Variants in OPN4 observed in about 807,000 individuals in gnomAD.
OPN4 encodes the protein opsin 4, also known as melanopsin.
OPN4 carries 43 observed loss-of-function variants against 49.5 expected under a neutral mutation model. That is an observed-to-expected ratio of 0.87 (90% CI 0.68 to 1.12). The LOEUF (loss-of-function observed/expected upper bound fraction) is 1.12. Ranked by LOEUF, OPN4 falls within the 50% of genes most tolerant of loss-of-function variation. The pLI is 0.00. For synonymous variants in OPN4, 263 were observed against 258.0 expected, an observed-to-expected ratio of 1.02 and a Z score of -0.19; for missense variants, 657 against 643.9, an observed-to-expected ratio of 1.02 and a Z score of -0.22.
rs1356249896 is a variant in OPN4, at chr10:86,666,021, C to T, written c.*270C>T. The T allele has an allele frequency of 2.2e-5, 11 of 508,954 alleles. No homozygotes were observed. Among genetic ancestry groups the T allele is most frequent in the Admixed American group, 3.8e-5 (1 of 26,270 alleles). The allele number at this position is 508,954 out of a possible 1,614,324, so 31.5% of individuals were successfully genotyped here. A position where few individuals can be genotyped will look rare whatever the true frequency, so the allele number is the denominator to read the frequency against. ...TATGTGCCCAGGCCCTCCCACTTCC[C>T]GAGTTGTCTGCCTCTCCTCAAATGC... is the stretch of plus-strand genomic sequence containing the variant. On this transcript the variant is annotated 3_prime_UTR_variant, in exon 10 of 10. Coordinates refer to ENST00000241891, the MANE Select transcript of OPN4 (RefSeq NM_033282.4).
Position 86,658,536 on chromosome 10 carries a change from C to T in OPN4, c.477C>T (p.Ile159=). Reference sequence around the variant, plus strand: ...CTCTCTTTGGCATTTCCTCCATGATCACCCTGACGGCCATCGCCCTGGACC... The same window carrying T: ...CTCTCTTTGGCATTTCCTCCATGATTACCCTGACGGCCATCGCCCTGGACC... ...CGALFGISSM[I]TLTAIALDRY... is the part of the protein sequence containing the mutation. Residue 159 remains isoleucine, a synonymous_variant, in exon 4 of 10, where the codon ATC becomes ATT. Coordinates refer to ENST00000241891, the MANE Select transcript of OPN4 (RefSeq NM_033282.4). The T allele has an allele frequency of 6.2e-7, 1 of 1,614,226 alleles. No homozygotes were observed.
intron 1 of OPN4, among the ~76,000 whole-genome samples, chr10:86,655,345 G>C (rs1323518384): frequency 6.6e-6 from 1 of 152,084 alleles, no homozygotes; most frequent in Non-Finnish European, 1.5e-5. Flanking sequence ...CCAGGCCCAG[G>C]GCCATATTCC....
At position 86,663,796 on chromosome 10, in the gene OPN4, AG is replaced by A; in HGVS notation, c.1395del (p.Lys466ArgfsTer5). 6.4e-7 allele frequency: 1 copy of A among 1,552,252 alleles called. No individual in the cohort carries two copies. Among genetic ancestry groups the A allele is most frequent in the Non-Finnish European group, 8.7e-7 (1 of 1,147,954 alleles). The part of the protein sequence containing the change: ...RPQGHEAETP[G>X]KTKGLIPSQD... The stretch of plus-strand genomic sequence containing the variant: ...CCCAGGGACACGAAGCAGAGACTCC[AG>A]GGAAGGTGACTGGGCCCGGTACCTG... On this transcript the variant is annotated frameshift_variant, in exon 9 of 10. Coordinates refer to ENST00000241891, the MANE Select transcript of OPN4 (RefSeq NM_033282.4). LOFTEE classifies it high-confidence loss of function.
rs1489639767 is a variant in OPN4 at position 86,665,762 on chromosome 10, G to C, written c.*11G>C. ...GACCCCAGGATGTAGGACGCCCACTGGCTCTCCCTTTCTTCTGAGACACAT... is the reference window on the plus strand; with the variant it reads ...GACCCCAGGATGTAGGACGCCCACTCGCTCTCCCTTTCTTCTGAGACACAT... On this transcript the variant is annotated 3_prime_UTR_variant, in exon 10 of 10. Transcript: ENST00000241891. 6.2e-7 allele frequency: 1 copy of C among 1,610,768 alleles called. No homozygotes were observed. The highest frequency in any genetic ancestry group is 8.5e-7 in the Non-Finnish European group (1 of 1,177,298).
In OPN4 at chr10:86,659,397, G is replaced by A. The variant is rs1460398082; in HGVS notation, c.729G>A (p.Val243=). 6.2e-7 allele frequency: 1 copy of A among 1,614,154 alleles called. No homozygotes were observed. Among genetic ancestry groups the A allele is most frequent in the South Asian group, 1.1e-5 (1 of 91,086 alleles). The change falls in exon 5 of 10, where the codon GTG becomes GTA. Residue 243 remains valine (V), a synonymous_variant. Coordinates refer to ENST00000241891, the MANE Select transcript of OPN4 (RefSeq NM_033282.4). The part of the protein sequence containing the change: ...RAYTMLLCCF[V]FFLPLLIIIY... ...ACACCATGCTTCTCTGCTGCTTCGT[G>A]TTCTTCCTCCCTCTGCTTATCATCA...
intron 9 of OPN4, 32 bp downstream of exon 9, chr10:86,663,834 A>G: frequency 6.5e-7 from 1 of 1,547,142 alleles, no homozygotes. Flanking sequence ...CAATCCACAA[A>G]GGGGTGGGGG....
chr10:86,663,899 C>A, intron 9 of OPN4, 97 bp downstream of exon 9: 1 of 1,405,840 alleles, frequency 7.1e-7, no homozygotes, highest in South Asian at 1.4e-5. Context: ...TTCTCATGGG[C>A]AGGGGCGATA....
At chr10:86,662,208 G>A (rs1288615588) in intron 7 of OPN4, 44 bp from the exon 8 acceptor site, 2 of 1,569,150 alleles carry the variant, frequency 1.3e-6, no homozygotes, top group Admixed American at 1.7e-5. Flanking sequence ...CCCTGCATCT[G>A]TCTGCCCATC....
chr10:86,654,765 A>G lies in OPN4; in HGVS notation c.-19A>G, dbSNP rs369855423. The G allele has an allele frequency of 3.1e-6, 5 of 1,603,556 alleles. No individual in the cohort carries two copies. Among genetic ancestry groups the G allele is most frequent in the Admixed American group, 1.7e-5 (1 of 59,464 alleles). On this transcript the variant is annotated 5_prime_UTR_variant, in exon 1 of 10. Transcript: ENST00000241891. ...CTTGACTTCTCTGTGGGCTCGAGCA[A>G]GGACCATCCCAACTCAGGATGAACC...
chr10:86,661,449 G>A, intron 7 of OPN4, 61 bp downstream of exon 7: 5 of 1,253,854 alleles, frequency 4.0e-6, no homozygotes, highest in Middle Eastern at 3.8e-4. Flanking sequence ...GCCGATGGGG[G>A]CAGAGGCCAC....
chr10:86,659,508 C>G (rs769828300), intron 5 of OPN4, 40 bp downstream of exon 5: 1 of 1,596,078 alleles, frequency 6.3e-7, no homozygotes, highest in Admixed American at 1.7e-5. Flanking sequence ...GGAGGGGGAC[C>G]GGCCCCTCGG....
chr10:86,659,279 A>C lies in OPN4; in HGVS notation c.629-18A>C, dbSNP rs1246735865. 6.2e-7 allele frequency: 1 copy of C among 1,604,438 alleles called. No homozygotes were observed. Among genetic ancestry groups the C allele is most frequent in the Non-Finnish European group, 8.5e-7 (1 of 1,176,916 alleles). The stretch of plus-strand genomic sequence containing the variant: ...GTCAGTGCCGCCCCAAAGGCTGAGC[A>C]CCTGCCCTGGCTCCCAGGCGCCTAC... On this transcript the variant is annotated intron_variant, in intron 4 of 9. Transcript: ENST00000241891.
rs111913599 is a variant in OPN4 at position 86,655,990 on chromosome 10, C to G, written c.145-165C>G. 1.9e-4 allele frequency among the ~76,000 whole-genome samples: 29 copies of G among 152,374 alleles called. 1 individual carries two copies. The highest frequency in any genetic ancestry group is 6.0e-4 in the African/African-American group (25 of 41,598). ...TGGACTTTAGAAAGGACCTGCACTT[C>G]CCTTCTGCTTTTGGCCACTTGTGAG... On this transcript the variant is annotated intron_variant, in intron 1 of 9. Transcript: ENST00000241891.
In OPN4 at chr10:86,654,571, C is replaced by T. The variant is rs1439839839; in HGVS notation, c.-213C>T. ...TGTGAGTCACCATAACTGCGACACT[C>T]ACTCATTTGCGCTTCACCAGACACA... On this transcript the variant is annotated 5_prime_UTR_variant, in exon 1 of 10. Transcript: ENST00000241891. The T allele has an allele frequency of 1.8e-6, 1 of 561,224 alleles. No homozygotes were observed. Among genetic ancestry groups the T allele is most frequent in the East Asian group, 2.9e-5 (1 of 34,620 alleles). The allele number at this position is 561,224 out of a possible 1,614,324, so 34.8% of individuals were successfully genotyped here.
At chr10:86,665,622 T>C in intron 9 of OPN4, 91 bp from the exon 10 acceptor site, 1 of 1,092,898 alleles carries the variant, frequency 9.1e-7, no homozygotes. Context: ...CCTCCCCCAC[T>C]GCTCGGTGAC....
At position 86,658,074 on chromosome 10, in the gene OPN4, C is replaced by G. The variant is rs1476941029; in HGVS notation, c.333C>G (p.Asn111Lys). The stretch of plus-strand genomic sequence containing the variant: ...CACCTGCCAACATGTTCATTATCAA[C>G]CTCGCGGTCAGCGACTTCCTCATGT... ...LRTPANMFII[N>K]LAVSDFLMSF... The change falls in exon 3 of 10, where the codon AAC (asparagine) becomes AAG (lysine). Residue 111 changes from asparagine (N) to lysine (K), a missense_variant. Asn to Lys is a moderately conservative substitution (Grantham distance 94, BLOSUM62 0). Coordinates refer to ENST00000241891, the MANE Select transcript of OPN4 (RefSeq NM_033282.4). 6.2e-7 allele frequency: 1 copy of G among 1,613,852 alleles called. No individual in the cohort carries two copies. The highest frequency in any genetic ancestry group is 1.7e-5 in the Admixed American group (1 of 60,004).
intron 9 of OPN4, among the ~76,000 whole-genome samples, chr10:86,664,438 G>A (rs1373819386): frequency 6.6e-6 from 1 of 152,176 alleles, no homozygotes; most frequent in Non-Finnish European, 1.5e-5. Flanking sequence ...GTCGGCCCAA[G>A]TGCCTATGGA....
At chr10:86,661,578 G>A (rs1252574942) in intron 7 of OPN4, among the ~76,000 whole-genome samples, 190 bp downstream of exon 7, 1 of 152,100 alleles carries the variant, frequency 6.6e-6, no homozygotes, top group African/African-American at 2.4e-5. Context: ...GCTTCCCAGG[G>A]GTCACGGTGT....
At chr10:86,659,524 C>T (rs1335552306) in intron 5 of OPN4, 56 bp downstream of exon 5, 66 of 1,568,660 alleles carry the variant, frequency 4.2e-5, no homozygotes, top group South Asian at 9.5e-5. Context: ...CTCGGCCAGG[C>T]GGCCCCTGCC....
Sources: allele counts gnomAD v4.1 joint callset (sites outside exome capture counted in the v4.1 genomes callset), GRCh38; gene constraint gnomAD v4.1.1; transcripts MANE v1.5; gene names NCBI Gene and HGNC (gene_info 2026-07-23, HGNC 2026-07-21).